ABI2: variants seen among roughly 807,000 people sequenced by gnomAD.
The protein encoded by ABI2 is abelson interactor 2.
In ABI2, 25 loss-of-function variants were observed where a neutral mutation model predicts 59.2. That is an observed-to-expected ratio of 0.42 (90% CI 0.31 to 0.59). The LOEUF is 0.59. Ranked by LOEUF, ABI2 falls within the 20% of genes least tolerant of loss-of-function variation. ABI2 has a pLI of 0.14. For missense variants in ABI2, 545 were observed against 681.8 expected (o/e 0.80, Z 2.23); for synonymous variants, 213 against 235.5 (o/e 0.90, Z 0.87).
At chr2:203,396,712 TC>T (rs1303615811) in intron 7 of ABI2, 72 bp from the exon 8 acceptor site, 2 of 1,415,396 alleles carry the variant, frequency 1.4e-6, no homozygotes, top group Non-Finnish European at 1.8e-6. Flanking sequence ...CATTAAATAC[TC>T]TAATACCTTT....
At position 203,411,379 on chromosome 2, in the gene ABI2, T is replaced by G. The variant is rs986099574; in HGVS notation, c.1279+8T>G. 45 of 1,602,792 alleles carry G rather than the reference T, an allele frequency of 2.8e-5. No homozygotes were observed. The highest frequency in any genetic ancestry group is 3.5e-5 in the Non-Finnish European group (41 of 1,169,980). On this transcript the variant is annotated splice_region_variant and intron_variant, in intron 10 of 11. Transcript: ENST00000261018. ...CCAGAGTCCAAGAAAATAGTAAGTTTATGTCTTCTTTATGCTGTAGATCAG... is the reference window on the plus strand; with the variant it reads ...CCAGAGTCCAAGAAAATAGTAAGTTGATGTCTTCTTTATGCTGTAGATCAG...
At chr2:203,330,370 C>T (rs957379076) in intron 1 of ABI2, among the ~76,000 whole-genome samples, 2 of 131,874 alleles carry the variant, frequency 1.5e-5, no homozygotes, top group Non-Finnish European at 3.1e-5. Context: ...CAGGCCTGGG[C>T]GATAAGAGTG....
chr2:203,346,338 A>T (rs762898716), intron 1 of ABI2, among the ~76,000 whole-genome samples: 11 of 152,120 alleles, frequency 7.2e-5, no homozygotes, highest in Admixed American at 5.2e-4. Context: ...ACAAAAGACT[A>T]TGTTTGTTTG....
At chr2:203,363,715 T>A (rs2093894741) in intron 1 of ABI2, among the ~76,000 whole-genome samples, 1 of 152,230 alleles carries the variant, frequency 6.6e-6, no homozygotes, top group South Asian at 2.1e-4. Context: ...AATCTCATTA[T>A]TTTTTATGGC....
In ABI2 at chr2:203,427,531, G is replaced by C. The variant is rs1196978294; in HGVS notation, c.*179G>C. The C allele has an allele frequency of 1.5e-5, 8 of 551,006 alleles. No individual in the cohort carries two copies. Among genetic ancestry groups the C allele is most frequent in the Non-Finnish European group, 2.5e-5 (8 of 315,396 alleles). The allele number at this position is 551,006 out of a possible 1,614,324, so 34.1% of individuals were successfully genotyped here. ...AAAGCAAGCTGAGTCTGAACAAATGGATCTTTCTGCCATCATTTGTACAAT... is the reference window on the plus strand; with the variant it reads ...AAAGCAAGCTGAGTCTGAACAAATGCATCTTTCTGCCATCATTTGTACAAT... On this transcript the variant is annotated 3_prime_UTR_variant, in exon 12 of 12. Transcript: ENST00000261018.
chr2:203,430,423 T>C lies in ABI2; in HGVS notation c.*3071T>C, dbSNP rs2098473876. ...TCCCCTTAAAAAAAATGAATAGTTG[T>C]CTTTTCTTGTCATATTAATACTCGA... On this transcript the variant is annotated 3_prime_UTR_variant, in exon 12 of 12. Coordinates refer to ENST00000261018, the MANE Select transcript of ABI2 (RefSeq NM_001375670.1). The C allele has an allele frequency of 6.6e-6, 1 of 152,192 alleles. No individual in the cohort carries two copies. Among genetic ancestry groups the C allele is most frequent in the South Asian group, 2.1e-4 (1 of 4,820 alleles). The allele number at this position is 152,192 out of a possible 1,614,324, so 9.4% of individuals were successfully genotyped here. A position where few individuals can be genotyped will look rare whatever the true frequency, so the allele number is the denominator to read the frequency against.
chr2:203,374,615 T>C (rs905096626), intron 2 of ABI2, among the ~76,000 whole-genome samples: 2 of 152,148 alleles, frequency 1.3e-5, no homozygotes, highest in Non-Finnish European at 2.9e-5. Flanking sequence ...ATTAATTTCC[T>C]ATGTAGTTTT....
chr2:203,348,609 T>C (rs1214564101), intron 1 of ABI2, among the ~76,000 whole-genome samples: 1 of 152,246 alleles, frequency 6.6e-6, no homozygotes, highest in East Asian at 1.9e-4. Context: ...TAATGTAATA[T>C]CACCTCACCT....
At chr2:203,426,590 A>G (rs983037544) in intron 11 of ABI2, among the ~76,000 whole-genome samples, 3 of 152,176 alleles carry the variant, frequency 2.0e-5, no homozygotes, top group Admixed American at 6.5e-5. Context: ...TTGAAAAAAT[A>G]TATGTAGCGG....
chr2:203,383,102 T>C (rs1053411466), intron 4 of ABI2: 1 of 154,784 alleles, frequency 6.5e-6, no homozygotes, highest in African/African-American at 2.4e-5. Context: ...TTTTATAGTT[T>C]ATTTTCAAAT....
intron 4 of ABI2, among the ~76,000 whole-genome samples, chr2:203,384,919 C>T (rs914145090): frequency 7.3e-5 from 11 of 151,480 alleles, no homozygotes; most frequent in African/African-American, 2.7e-4. Flanking sequence ...ACTGCAACCT[C>T]CGCCTCCCGG....
chr2:203,331,368 T>C (rs958608732), intron 1 of ABI2, among the ~76,000 whole-genome samples: 1 of 146,706 alleles, frequency 6.8e-6, no homozygotes, highest in Non-Finnish European at 1.5e-5. Context: ...TTTTTTTTTT[T>C]CTGAGACAGA....
At chr2:203,387,702 A>C (rs1267141962) in intron 4 of ABI2, among the ~76,000 whole-genome samples, 1 of 152,200 alleles carries the variant, frequency 6.6e-6, no homozygotes, top group Non-Finnish European at 1.5e-5. Flanking sequence ...TATTGTTCTA[A>C]TTTCCTAAAC....
At position 203,328,484 on chromosome 2, in the gene ABI2, GTAT is replaced by G; in HGVS notation, c.-30_-28del. On this transcript the variant is annotated 5_prime_UTR_variant, in exon 1 of 12. The change abolishes an upstream ATG in the 5' untranslated region. Coordinates refer to ENST00000261018, the MANE Select transcript of ABI2 (RefSeq NM_001375670.1). Reference sequence around the variant, plus strand: ...GCGGCCGCCGCTCCCTCTGCGACCTGTATGAGGAGGAGGAGGAGGAGGATGTGA... The same window carrying G: ...GCGGCCGCCGCTCCCTCTGCGACCTGGAGGAGGAGGAGGAGGAGGATGTGA... 3 of 1,554,888 alleles carry G rather than the reference GTAT, an allele frequency of 1.9e-6. No homozygotes were observed. Among genetic ancestry groups the G allele is most frequent in the African/African-American group, 1.4e-5 (1 of 72,728 alleles).
At chr2:203,398,129 A>C (rs370873205) in intron 8 of ABI2, among the ~76,000 whole-genome samples, 2 of 152,346 alleles carry the variant, frequency 1.3e-5, no homozygotes, top group Admixed American at 6.5e-5. Context: ...ACATGTTTTA[A>C]AAGACACTTT....
chr2:203,362,987 C>T (rs751738794), intron 1 of ABI2, among the ~76,000 whole-genome samples: 10 of 152,000 alleles, frequency 6.6e-5, no homozygotes, highest in East Asian at 1.9e-4. Context: ...TACACCACCA[C>T]GCCCGGCTAT....
intron 1 of ABI2, among the ~76,000 whole-genome samples, chr2:203,363,300 A>G (rs1007234335): frequency 2.0e-5 from 3 of 152,212 alleles, no homozygotes; most frequent in Non-Finnish European, 2.9e-5. Flanking sequence ...TTGTATTATA[A>G]ACAATCCAAC....
chr2:203,375,467 C>T (rs1019643550), intron 2 of ABI2, among the ~76,000 whole-genome samples: 5 of 152,122 alleles, frequency 3.3e-5, no homozygotes, highest in African/African-American at 1.2e-4. Flanking sequence ...TAAAATTCAT[C>T]CTAAATATCA....
At chr2:203,381,387 C>T (rs2096115320) in intron 3 of ABI2, among the ~76,000 whole-genome samples, 1 of 152,062 alleles carries the variant, frequency 6.6e-6, no homozygotes, top group Admixed American at 6.6e-5. Flanking sequence ...GGTGATCTTC[C>T]CTTGTCAGCT....
Sources: allele counts gnomAD v4.1 joint callset (sites outside exome capture counted in the v4.1 genomes callset), GRCh38; gene constraint gnomAD v4.1.1; transcripts MANE v1.5; gene names NCBI Gene and HGNC (gene_info 2026-07-23, HGNC 2026-07-21).